ALDH1A3: variants seen among roughly 807,000 people sequenced by gnomAD.
The protein encoded by ALDH1A3 is retinaldehyde dehydrogenase 3.
A neutral mutation model predicts 57.5 loss-of-function variants in ALDH1A3; 28 were observed. That is an observed-to-expected ratio of 0.49 (90% CI 0.36 to 0.67). The LOEUF (loss-of-function observed/expected upper bound fraction) is 0.67. ALDH1A3 is among the 30% of genes least tolerant of loss of function. The pLI is 0.00. For missense variants in ALDH1A3, 507 were observed against 669.4 expected (o/e 0.76, Z 2.68); for synonymous variants, 281 against 264.8 (o/e 1.06, Z -0.59).
At position 100,915,667 on chromosome 15, in the gene ALDH1A3, ACTAACAG is replaced by A. The variant is rs1446435187; in HGVS notation, c.*897_*903del. ...CAAATTACGCATTTCTATCACGTTC[ACTAACAG>A]CTTATGATAAGTCTGTGTAGTCTTC... On this transcript the variant is annotated 3_prime_UTR_variant, in exon 13 of 13. Transcript: ENST00000329841. The A allele has an allele frequency of 1.3e-4, 20 of 152,366 alleles. No homozygotes were observed. Among genetic ancestry groups the A allele is most frequent in the African/African-American group, 4.8e-4 (20 of 41,582 alleles). The allele number at this position is 152,366 out of a possible 1,614,324, so 9.4% of individuals were successfully genotyped here.
In ALDH1A3 at chr15:100,879,855, G is replaced by T. The variant is rs1326226022; in HGVS notation, c.-53G>T. ...GAGCGGGCTGCGCAGTGTCCGGGCC[G>T]AGCCGGTGCGCCGCAGACTAGGGCG... On this transcript the variant is annotated 5_prime_UTR_variant, in exon 1 of 13. Coordinates refer to ENST00000329841, the MANE Select transcript of ALDH1A3 (RefSeq NM_000693.4). 1.6e-6 allele frequency: 2 copies of T among 1,279,938 alleles called. No individual in the cohort carries two copies. The highest frequency in any genetic ancestry group is 3.2e-5 in the East Asian group (1 of 31,488). The allele number at this position is 1,279,938 out of a possible 1,614,324, so 79.3% of individuals were successfully genotyped here. A position where few individuals can be genotyped will look rare whatever the true frequency, so the allele number is the denominator to read the frequency against.
rs1478597018 is a variant in ALDH1A3, at chr15:100,914,953, G to A, written c.*180G>A. ...CTCTCCTGTTTATTCACCAGACTGG[G>A]GATGCCTATAGGTTGTCTGTGAAAT... On this transcript the variant is annotated 3_prime_UTR_variant, in exon 13 of 13. Transcript: ENST00000329841. 3.3e-5 allele frequency: 21 copies of A among 629,218 alleles called. No individual in the cohort carries two copies. The highest frequency in any genetic ancestry group is 5.2e-5 in the Non-Finnish European group (19 of 363,180). 39.0% of individuals were successfully genotyped at this position (629,218 alleles called of 1,614,324 possible). A position where few individuals can be genotyped will look rare whatever the true frequency, so the allele number is the denominator to read the frequency against.
intron 12 of ALDH1A3, chr15:100,913,271 A>C (rs923285518): frequency 2.0e-5 from 3 of 152,278 alleles, no homozygotes; most frequent in Admixed American, 6.5e-5. Context: ...TCAGTGGCTT[A>C]AATAACATAA....
intron 12 of ALDH1A3, among the ~76,000 whole-genome samples, chr15:100,911,451 C>T (rs574735472): frequency 2.6e-5 from 4 of 152,374 alleles, no homozygotes; most frequent in African/African-American, 4.8e-5. Context: ...AGGCTTCCCT[C>T]CCTGACCTTC....
At position 100,905,644 on chromosome 15, in the gene ALDH1A3, T is replaced by C; in HGVS notation, c.1190T>C (p.Val397Ala). Residue 397 changes from valine to alanine, a missense_variant, in exon 10 of 13, where the codon GTC becomes GCC. Around this residue, in one of 2 missense-constraint regions of ALDH1A3, gnomAD observed 432 missense variants for 608.4 expected, o/e 0.71. Coordinates refer to ENST00000329841, the MANE Select transcript of ALDH1A3 (RefSeq NM_000693.4). Reference sequence around the variant, plus strand: ...AAGGGGCTCTTCATCAAACCCACTGTCTTCTCAGAAGTCACAGACAACATG... The same window carrying C: ...AAGGGGCTCTTCATCAAACCCACTGCCTTCTCAGAAGTCACAGACAACATG... ...EDKGLFIKPT[V>A]FSEVTDNMRI... 1 of 1,609,178 alleles carries C rather than the reference T, an allele frequency of 6.2e-7. No homozygotes were observed. Among genetic ancestry groups the C allele is most frequent in the South Asian group, 1.1e-5 (1 of 90,344 alleles).
Position 100,914,896 on chromosome 15 carries a change from A to G in ALDH1A3, c.*123A>G. 1.2e-6 allele frequency: 1 copy of G among 845,030 alleles called. No individual in the cohort carries two copies. Among genetic ancestry groups the G allele is most frequent in the Admixed American group, 2.4e-5 (1 of 41,110 alleles). 52.3% of individuals were successfully genotyped at this position (845,030 alleles called of 1,614,324 possible). A position where few individuals can be genotyped will look rare whatever the true frequency, so the allele number is the denominator to read the frequency against. ...ACATTCTTCTGGAGGCTTTACATCT[A>G]CTGGAGTTGAATGATTGCTGTTTTC... On this transcript the variant is annotated 3_prime_UTR_variant, in exon 13 of 13. Transcript: ENST00000329841.
intron 1 of ALDH1A3, chr15:100,880,350 A>G: frequency 2.7e-6 from 1 of 372,218 alleles, no homozygotes; most frequent in East Asian, 3.9e-5. Context: ...GTTGACTCGG[A>G]GCGCGCTGGT....
chr15:100,901,988 G>A (rs191006513), intron 9 of ALDH1A3, among the ~76,000 whole-genome samples: 25 of 152,274 alleles, frequency 1.6e-4, no homozygotes, highest in African/African-American at 5.3e-4. Context: ...CAAACCCAGC[G>A]GTCAGTGACA....
At position 100,893,585 on chromosome 15, in the gene ALDH1A3, G is replaced by A. The variant is rs1376680394; in HGVS notation, c.538-369G>A. 1.0e-5 allele frequency: 2 copies of A among 194,070 alleles called. No homozygotes were observed. The highest frequency in any genetic ancestry group is 4.6e-5 in the African/African-American group (2 of 43,054). The allele number at this position is 194,070 out of a possible 1,614,324, so 12.0% of individuals were successfully genotyped here. On this transcript the variant is annotated intron_variant, in intron 5 of 12. Transcript: ENST00000329841. This position sits in a 1 kb window ranked among gnomAD's most constrained non-coding sequence, Gnocchi z 4.8. Reference sequence around the variant, plus strand: ...ACAATGCTGCCTGTCTGTTTGGGAAGCCTCTGGCCATTGCAACAACAGCCA... The same window carrying A: ...ACAATGCTGCCTGTCTGTTTGGGAAACCTCTGGCCATTGCAACAACAGCCA...
chr15:100,900,261 A>G (rs370724609), intron 8 of ALDH1A3, among the ~76,000 whole-genome samples: 5 of 152,134 alleles, frequency 3.3e-5, no homozygotes, highest in African/African-American at 1.2e-4. Flanking sequence ...AGGGGAGGGG[A>G]GGGGAGTCCT....
In ALDH1A3 at chr15:100,887,085, A is replaced by G. The variant is rs1278501357; in HGVS notation, c.205-487A>G. ...TAAATGCTTTTTATAATCAGAAACA[A>G]ACATTGGTATTTGGCCACTGTAGAA... is the stretch of plus-strand genomic sequence containing the variant. On this transcript the variant is annotated intron_variant, in intron 2 of 12. Coordinates refer to ENST00000329841, the MANE Select transcript of ALDH1A3 (RefSeq NM_000693.4). The surrounding 1 kb of genome is among the most constrained non-coding windows in gnomAD (Gnocchi z 4.6). 2.6e-5 allele frequency among the ~76,000 whole-genome samples: 4 copies of G among 152,246 alleles called. No individual in the cohort carries two copies. The highest frequency in any genetic ancestry group is 4.1e-4 in the South Asian group (2 of 4,830).
At chr15:100,901,229 C>G (rs1325761074) in intron 9 of ALDH1A3, among the ~76,000 whole-genome samples, 2 of 152,186 alleles carry the variant, frequency 1.3e-5, no homozygotes, top group African/African-American at 4.8e-5. Flanking sequence ...AGGAACATGT[C>G]TCTGGAGGAT....
intron 1 of ALDH1A3, 46 bp downstream of exon 1, chr15:100,880,052 TG>T (rs2041530403): frequency 7.5e-7 from 1 of 1,336,008 alleles, no homozygotes; most frequent in East Asian, 3.2e-5. Flanking sequence ...GCCCCTGCGC[TG>T]GGCAGCCAGA....
intron 3 of ALDH1A3, among the ~76,000 whole-genome samples, chr15:100,890,239 AG>A (rs2141552549): frequency 6.6e-6 from 1 of 152,182 alleles, no homozygotes; most frequent in African/African-American, 2.4e-5. Context: ...TTAGTATCTG[AG>A]GGTTCTGATG....
chr15:100,885,484 CTGGGCTA>C, intron 2 of ALDH1A3, 113 bp downstream of exon 2: 1 of 715,084 alleles, frequency 1.4e-6, no homozygotes, highest in Non-Finnish European at 2.4e-6. Flanking sequence ...GGGGCAGGGC[CTGGGCTA>C]GCTGCGTGAA....
chr15:100,910,218 C>A (rs2041869623), intron 12 of ALDH1A3, among the ~76,000 whole-genome samples: 1 of 152,270 alleles, frequency 6.6e-6, no homozygotes, highest in African/African-American at 2.4e-5. Context: ...TGTCCATTAG[C>A]CTTCCCCCTT....
At chr15:100,883,298 C>T (rs560856360) in intron 1 of ALDH1A3, among the ~76,000 whole-genome samples, 9 of 152,318 alleles carry the variant, frequency 5.9e-5, no homozygotes, top group African/African-American at 2.2e-4. Flanking sequence ...CCCGCACTAA[C>T]TTAACTCTTC....
At position 100,893,105 on chromosome 15, in the gene ALDH1A3, A is replaced by G. The variant is rs2041667415; in HGVS notation, c.537+99A>G. On this transcript the variant is annotated intron_variant, in intron 5 of 12. Transcript: ENST00000329841. The surrounding 1 kb of genome is among the most constrained non-coding windows in gnomAD (Gnocchi z 4.8). ...TTCTGGTGTGTTTTTATCTGATTGC[A>G]CCAGCGTTGAACAAGCATTTTCTTC... 8.9e-7 allele frequency: 1 copy of G among 1,118,534 alleles called. No homozygotes were observed. Among genetic ancestry groups the G allele is most frequent in the Non-Finnish European group, 1.3e-6 (1 of 776,138 alleles). 69.3% of individuals were successfully genotyped at this position (1,118,534 alleles called of 1,614,324 possible). A position where few individuals can be genotyped will look rare whatever the true frequency, so the allele number is the denominator to read the frequency against.
In ALDH1A3 at chr15:100,905,511, T is replaced by C. The variant is rs544598977; in HGVS notation, c.1069-12T>C. 9 of 1,614,020 alleles carry C rather than the reference T, an allele frequency of 5.6e-6. No homozygotes were observed. Among genetic ancestry groups the C allele is most frequent in the Non-Finnish European group, 7.6e-6 (9 of 1,179,998 alleles). ...AGGAAGCCAGGCTGTACTTCTTGTT[T>C]GTGTCTTGCAGATTGATCAAAAGCA... On this transcript the variant is annotated splice_polypyrimidine_tract_variant and intron_variant, in intron 9 of 12. Transcript: ENST00000329841.
Sources: allele counts gnomAD v4.1 joint callset (sites outside exome capture counted in the v4.1 genomes callset), GRCh38; gene constraint gnomAD v4.1.1; regional missense constraint gnomAD v4.1.1; non-coding constraint Gnocchi (gnomAD v3.1); transcripts MANE v1.5; gene names NCBI Gene and HGNC (gene_info 2026-07-23, HGNC 2026-07-21).